The following BDP1 variants were observed in gnomAD, a reference collection of about 807,000 sequenced individuals.
BDP1 encodes BDP1 general transcription factor IIIB subunit.
BDP1 carries 169 observed loss-of-function variants against 266.6 expected under a neutral mutation model. The observed-to-expected ratio is 0.63, with a 90% CI of 0.56 to 0.72. The LOEUF (loss-of-function observed/expected upper bound fraction) is 0.72. BDP1 is among the 30% of genes least tolerant of loss of function. The pLI is 0.00. For synonymous variants in BDP1, 1,090 were observed against 1,022.4 expected, an observed-to-expected ratio of 1.07 and a Z score of -1.26; for missense variants, 3,015 against 3,053.8, an observed-to-expected ratio of 0.99 and a Z score of 0.30.
Position 71,559,056 on chromosome 5 carries a change from A to C in BDP1, c.7241-926A>C, listed in dbSNP as rs183039270. 2.4e-3 allele frequency among the ~76,000 whole-genome samples: 365 copies of C among 151,712 alleles called. 2 individuals are homozygous for C. Among genetic ancestry groups the C allele is most frequent in the African/African-American group, 8.5e-3 (353 of 41,340 alleles). ...GTAATCCCAGCTACTCGGGAGGCTGAGGTGAGTGAATTGCTTGAACCCGGG... is the reference window on the plus strand; with the variant it reads ...GTAATCCCAGCTACTCGGGAGGCTGCGGTGAGTGAATTGCTTGAACCCGGG... On this transcript the variant is annotated intron_variant, in intron 36 of 38. Coordinates refer to ENST00000358731, the MANE Select transcript of BDP1 (RefSeq NM_018429.3).
chr5:71,513,360 G>A lies in BDP1; in HGVS notation c.4423G>A (p.Val1475Met). ...AGAAACCAAGAAAATGGAGACTATT[G>A]TGATGCAAGAAAATAATGAACAAAC... ...KSETKKMETI[V>M]MQENNEQTDT... is the part of the protein sequence containing the mutation. Residue 1475 changes from valine (V) to methionine (M), a missense_variant, in exon 19 of 39, where the codon GTG (valine) becomes ATG (methionine). This residue lies in a region of BDP1 where 2,383 missense variants were observed against 2,404.9 expected (regional missense o/e 0.99). Transcript: ENST00000358731. 1 of 1,598,308 alleles carries A rather than the reference G, an allele frequency of 6.3e-7. No homozygotes were observed. Among genetic ancestry groups the A allele is most frequent in the Non-Finnish European group, 8.5e-7 (1 of 1,172,950 alleles).
At chr5:71,463,950 A>G (rs1761729515) in intron 3 of BDP1, 108 bp from the exon 4 acceptor site, 1 of 659,998 alleles carries the variant, frequency 1.5e-6, no homozygotes. Flanking sequence ...ATGCTGTGAT[A>G]TATCATTAAA....
intron 1 of BDP1, 97 bp downstream of exon 1, chr5:71,456,186 C>T (rs1451552078): frequency 8.2e-7 from 1 of 1,214,356 alleles, no homozygotes; most frequent in African/African-American, 1.5e-5. Flanking sequence ...GGAGTCCGCT[C>T]TCGTTTGCAG....
Position 71,522,862 on chromosome 5 carries a change from G to T in BDP1, c.5300G>T (p.Gly1767Val). ...AKIDAELEEV[G>V]PSRRVGEETV... ...ATAGATGCGGAATTAGAAGAAGTTG[G>T]ACCATCAAGAAGGGTTGGAGAGGAA... The change falls in exon 24 of 39, where the codon GGA becomes GTA. Residue 1767 changes from glycine to valine, a missense_variant. Physicochemically the swap from Gly to Val is moderately radical, Grantham distance 109. Transcript: ENST00000358731. 1 of 1,613,826 alleles carries T rather than the reference G, an allele frequency of 6.2e-7. No individual in the cohort carries two copies. Among genetic ancestry groups the T allele is most frequent in the Non-Finnish European group, 8.5e-7 (1 of 1,179,874 alleles).
chr5:71,572,168 C>T (rs560843404), downstream of BDP1, among the ~76,000 whole-genome samples: 3 of 152,336 alleles, frequency 2.0e-5, no homozygotes, highest in South Asian at 2.1e-4. Flanking sequence ...CACCCCTTCT[C>T]ACTATCTCTT....
rs1250357796 is a variant in BDP1, at chr5:71,562,449, T to A, written c.7672T>A (p.Ser2558Thr). The A allele has an allele frequency of 6.2e-7, 1 of 1,613,764 alleles. No individual in the cohort carries two copies. The highest frequency in any genetic ancestry group is 1.3e-5 in the African/African-American group (1 of 74,924). The change falls in exon 38 of 39, where the codon TCC (serine) becomes ACC (threonine). Residue 2558 changes from serine to threonine, a missense_variant. Around this residue, in one of 3 missense-constraint regions of BDP1, gnomAD observed 629 missense variants for 632.5 expected, o/e 0.99. Coordinates refer to ENST00000358731, the MANE Select transcript of BDP1 (RefSeq NM_018429.3). ...TGAAAGCCAGGAAAAAAATCGAGAG[T>A]CCTCTGATCTGCTTCCATCTCCAAG... is the stretch of plus-strand genomic sequence containing the variant. ...FNESQEKNRESSDLLPSPSVI... is the reference protein window; with the variant it reads ...FNESQEKNRETSDLLPSPSVI...
intron 34 of BDP1, among the ~76,000 whole-genome samples, chr5:71,551,935 G>A (rs968034939): frequency 7.3e-5 from 11 of 150,326 alleles, no homozygotes; most frequent in Non-Finnish European, 1.0e-4. Context: ...GGACGGGGCG[G>A]CTGGCCGGGC....
chr5:71,564,616 T>C (rs1743912507), intron 38 of BDP1, 138 bp from the exon 39 acceptor site: 7 of 698,832 alleles, frequency 1.0e-5, no homozygotes, highest in African/African-American at 5.6e-5. Context: ...ATTGTGAACA[T>C]ATTTAAAGCT....
In BDP1 at chr5:71,495,426, T is replaced by C. The variant is rs928653892; in HGVS notation, c.1799+18T>C. On this transcript the variant is annotated intron_variant, in intron 12 of 38. Coordinates refer to ENST00000358731, the MANE Select transcript of BDP1 (RefSeq NM_018429.3). Reference sequence around the variant, plus strand: ...AATTCACTGTAAGTATTTTATACGATAGGATTTATTTATAAAATTTTGATA... The same window carrying C: ...AATTCACTGTAAGTATTTTATACGACAGGATTTATTTATAAAATTTTGATA... 2.0e-6 allele frequency: 3 copies of C among 1,508,874 alleles called. No homozygotes were observed. The highest frequency in any genetic ancestry group is 2.7e-6 in the Non-Finnish European group (3 of 1,110,714). The allele number at this position is 1,508,874 out of a possible 1,614,324, so 93.5% of individuals were successfully genotyped here.
At chr5:71,543,980 A>T (rs182594262) in intron 30 of BDP1, among the ~76,000 whole-genome samples, 25 of 152,332 alleles carry the variant, frequency 1.6e-4, no homozygotes, top group Admixed American at 1.0e-3. Flanking sequence ...TTGTGATATT[A>T]TTCTTTGCAG....
chr5:71,477,517 G>A (rs542179985), intron 7 of BDP1, among the ~76,000 whole-genome samples: 2 of 152,114 alleles, frequency 1.3e-5, no homozygotes, highest in East Asian at 1.9e-4. Context: ...GCTGGTCCAA[G>A]TGCACTGGTG....
At position 71,471,138 on chromosome 5, in the gene BDP1, C is replaced by CTTT. The variant is rs869292040; in HGVS notation, c.1014+669_1014+671dup. On this transcript the variant is annotated intron_variant, in intron 7 of 38. Transcript: ENST00000358731. The stretch of plus-strand genomic sequence containing the variant: ...ACCAGAGTACTTTGGTTAAGGGTAG[C>CTTT]TTTTTTTTTTTTTTTTTTTTTTGAG... 1.4e-3 allele frequency among the ~76,000 whole-genome samples: 160 copies of CTTT among 115,048 alleles called. 1 individual carries two copies. Among genetic ancestry groups the CTTT allele is most frequent in the Non-Finnish European group, 1.8e-3 (100 of 56,524 alleles). The allele number at this position is 115,048 out of a possible 152,430, so 75.5% of individuals were successfully genotyped here.
chr5:71,521,789 T>C (rs1765508655), intron 22 of BDP1, among the ~76,000 whole-genome samples: 1 of 152,306 alleles, frequency 6.6e-6, no homozygotes, highest in Middle Eastern at 3.4e-3. Flanking sequence ...TAAACCCTTT[T>C]TAGTGAGAGT....
intron 25 of BDP1, among the ~76,000 whole-genome samples, chr5:71,531,662 C>T (rs1270017515): frequency 6.6e-6 from 1 of 152,142 alleles, no homozygotes; most frequent in Non-Finnish European, 1.5e-5. Flanking sequence ...GCAGGCACCA[C>T]CATGCCCGGC....
In BDP1 at chr5:71,498,296, G is replaced by C. The variant is rs796774514; in HGVS notation, c.1956+870G>C. Among the ~76,000 whole-genome samples, 5 of 152,158 alleles carry C rather than the reference G, an allele frequency of 3.3e-5. 1 individual carries two copies. The highest frequency in any genetic ancestry group is 1.2e-4 in the African/African-American group (5 of 41,534). ...CAAAAATTTGGAATGGAGTTTCACTGTGTTCACCAGGCTGGTTTCTAACTC... is the reference window on the plus strand; with the variant it reads ...CAAAAATTTGGAATGGAGTTTCACTCTGTTCACCAGGCTGGTTTCTAACTC... On this transcript the variant is annotated intron_variant, in intron 13 of 38. Transcript: ENST00000358731.
rs112186651 is a variant in BDP1, at chr5:71,478,559, A to G, written c.1015-5283A>G. On this transcript the variant is annotated intron_variant, in intron 7 of 38. Transcript: ENST00000358731. ...TTTGGTCTTTTAAAGATGTCATTGT[A>G]TCGTCTCCTGGCTTTCAGTGTTGCT... is the stretch of plus-strand genomic sequence containing the variant. 2.3e-3 allele frequency among the ~76,000 whole-genome samples: 344 copies of G among 152,056 alleles called. 1 individual carries two copies. The highest frequency in any genetic ancestry group is 7.1e-3 in the African/African-American group (296 of 41,494).
At chr5:71,483,391 GT>G (rs1278976112) in intron 7 of BDP1, among the ~76,000 whole-genome samples, 4 of 152,080 alleles carry the variant, frequency 2.6e-5, no homozygotes, top group Admixed American at 6.6e-5. Flanking sequence ...ATATATAGAA[GT>G]TTGTCAGGAT....
intron 16 of BDP1, among the ~76,000 whole-genome samples, chr5:71,507,389 T>C (rs193053554): frequency 2.6e-4 from 40 of 152,322 alleles, no homozygotes; most frequent in Admixed American, 2.2e-3. Context: ...CTTTTGTTAC[T>C]TAGAAACAAT....
At position 71,489,603 on chromosome 5, in the gene BDP1, A is replaced by C. The variant is rs1214798867; in HGVS notation, c.1413A>C (p.Gly471=). 3.1e-6 allele frequency: 5 copies of C among 1,614,116 alleles called. No individual in the cohort carries two copies. Among genetic ancestry groups the C allele is most frequent in the Non-Finnish European group, 4.2e-6 (5 of 1,179,978 alleles). ...QKKRRRKKQD[G]ANELGVNNLL... is the part of the protein sequence containing the mutation. ...AAAGAAGGAGGAAGAAGCAAGATGGAGCTAATGAACTGGGAGTAAACAATC... is the reference window on the plus strand; with the variant it reads ...AAAGAAGGAGGAAGAAGCAAGATGGCGCTAATGAACTGGGAGTAAACAATC... Residue 471 remains glycine, a synonymous_variant, in exon 10 of 39, where the codon GGA becomes GGC. Transcript: ENST00000358731.
Sources: allele counts gnomAD v4.1 joint callset (sites outside exome capture counted in the v4.1 genomes callset), GRCh38; gene constraint gnomAD v4.1.1; regional missense constraint gnomAD v4.1.1; transcripts MANE v1.5; gene names NCBI Gene and HGNC (gene_info 2026-07-23, HGNC 2026-07-21).